The following FOXP1 variants were observed in gnomAD, a reference collection of about 807,000 sequenced individuals.
FOXP1 encodes the protein forkhead box protein P1.
Under a neutral mutation model 98.2 loss-of-function variants are expected in FOXP1, and 15 were observed. The observed-to-expected ratio is 0.15, with a 90% CI of 0.10 to 0.24. FOXP1 has a LOEUF of 0.24. FOXP1 is among the 10% of genes least tolerant of loss of function. FOXP1 has a pLI of 1.00. For synonymous variants in FOXP1, 371 were observed against 314.5 expected (o/e 1.18, Z -1.90); for missense variants, 633 against 848.5 (o/e 0.75, Z 3.15).
At chr3:71,309,039 T>G (rs1249147560) in intron 4 of FOXP1, among the ~76,000 whole-genome samples, 1 of 152,170 alleles carries the variant, frequency 6.6e-6, no homozygotes, top group East Asian at 1.9e-4. Flanking sequence ...CTCAACTTAC[T>G]ACCAAGTTAC....
intron 7 of FOXP1, among the ~76,000 whole-genome samples, chr3:71,065,412 G>T (rs573618541): frequency 6.6e-6 from 1 of 152,330 alleles, no homozygotes; most frequent in East Asian, 1.9e-4. Flanking sequence ...TCGGCTTCGG[G>T]AGGGTACGCA....
At chr3:71,316,942 C>T (rs528566682) in intron 4 of FOXP1, among the ~76,000 whole-genome samples, 34 of 152,272 alleles carry the variant, frequency 2.2e-4, no homozygotes, top group Admixed American at 2.2e-3. Flanking sequence ...AAGCATGAGC[C>T]ACTGCGCCTG....
At chr3:71,483,031 G>C (rs919674885) in intron 3 of FOXP1, among the ~76,000 whole-genome samples, 2 of 151,350 alleles carry the variant, frequency 1.3e-5, no homozygotes, top group Non-Finnish European at 2.9e-5. Flanking sequence ...GTAGAGATGG[G>C]GTCTCACTAT....
intron 2 of FOXP1, among the ~76,000 whole-genome samples, chr3:71,529,839 A>G (rs369834361): frequency 6.6e-6 from 1 of 152,184 alleles, no homozygotes; most frequent in African/African-American, 2.4e-5. Context: ...TTGATGTAAT[A>G]CCACAATACT....
At chr3:71,184,475 A>G (rs2062525476) in intron 6 of FOXP1, among the ~76,000 whole-genome samples, 1 of 152,206 alleles carries the variant, frequency 6.6e-6, no homozygotes, top group African/African-American at 2.4e-5. Context: ...TTACATTTCA[A>G]TAGACATGAA....
rs879815415 is a variant in FOXP1, at chr3:71,348,520, T to TGC, written c.-73+10628_-73+10629dup. On this transcript the variant is annotated intron_variant, in intron 4 of 20. Transcript: ENST00000649528. ...TTGCTGTGTTCAGTGTGTGTGTGTGTGCGTGTGTGTGTGTGTGTGTGTGTG... is the reference window on the plus strand; with the variant it reads ...TTGCTGTGTTCAGTGTGTGTGTGTGTGCGCGTGTGTGTGTGTGTGTGTGTGTG... Among the ~76,000 whole-genome samples the TGC allele has an allele frequency of 7.0e-5, 3 of 42,600 alleles. No homozygotes were observed. In the South Asian group the frequency reaches 3.5e-3, roughly 49 times the overall value. The allele number at this position is 42,600 out of a possible 152,430, so 27.9% of individuals were successfully genotyped here.
chr3:71,560,247 C>T (rs114537934), intron 2 of FOXP1, among the ~76,000 whole-genome samples: 2,583 of 152,232 alleles, frequency 0.017, 100 homozygotes, highest in African/African-American at 0.059. Flanking sequence ...AATGTGACTA[C>T]GATTGACTCT....
chr3:71,020,122 AATTTAAATTTCTCTTG>A (rs2045211742), intron 11 of FOXP1, among the ~76,000 whole-genome samples: 1 of 152,190 alleles, frequency 6.6e-6, no homozygotes, highest in Non-Finnish European at 1.5e-5. Flanking sequence ...AAAGCCAGTT[AATTTAAATTTCTCTTG>A]ATAATCCTTG....
intron 3 of FOXP1, among the ~76,000 whole-genome samples, chr3:71,401,830 C>T (rs988422950): frequency 6.6e-6 from 1 of 152,220 alleles, no homozygotes. Flanking sequence ...ATGGACACAA[C>T]ACAAATTTGA....
At chr3:71,580,743 A>C in intron 2 of FOXP1, 2 of 976,426 alleles carry the variant, frequency 2.0e-6, no homozygotes, top group Non-Finnish European at 2.4e-6. Context: ...GTAGCAGAAA[A>C]ATTCCTTTAA....
At chr3:71,257,641 G>A (rs1206991320) in intron 5 of FOXP1, among the ~76,000 whole-genome samples, 2 of 151,192 alleles carry the variant, frequency 1.3e-5, no homozygotes, top group Non-Finnish European at 2.9e-5. Flanking sequence ...CTAAAAGGAG[G>A]AAATTTCCAG....
rs557785236 is a variant in FOXP1, at chr3:71,047,658, G to A, written c.511-563C>T. On this transcript the variant is annotated intron_variant, in intron 9 of 20. Coordinates refer to ENST00000649528, the MANE Select transcript of FOXP1 (RefSeq NM_001349338.3). Reference sequence around the variant, plus strand: ...ACATTGTAAATCTTTCACAGAAACAGCCACTAGATTTTAATTACACACATT... The same window carrying A: ...ACATTGTAAATCTTTCACAGAAACAACCACTAGATTTTAATTACACACATT... Among the ~76,000 whole-genome samples the A allele has an allele frequency of 6.6e-5, 10 of 152,144 alleles. 1 individual carries two copies. The highest frequency in any genetic ancestry group is 1.0e-4 in the Non-Finnish European group (7 of 68,036).
At chr3:71,495,413 C>A (rs1049699638) in intron 2 of FOXP1, among the ~76,000 whole-genome samples, 1 of 152,170 alleles carries the variant, frequency 6.6e-6, no homozygotes, top group Non-Finnish European at 1.5e-5. Flanking sequence ...AGAACTATTT[C>A]TTTTCATCGC....
chr3:71,276,948 A>G (rs968993128), intron 5 of FOXP1, among the ~76,000 whole-genome samples: 11 of 148,842 alleles, frequency 7.4e-5, no homozygotes, highest in Middle Eastern at 3.4e-3. Flanking sequence ...CTTTTTAAGT[A>G]GATCAACTTT....
chr3:71,212,510 C>T (rs2064560412), intron 5 of FOXP1, among the ~76,000 whole-genome samples: 1 of 152,184 alleles, frequency 6.6e-6, no homozygotes, highest in East Asian at 1.9e-4. Context: ...TTGTAGAAGA[C>T]ACCCTAAAAA....
At chr3:71,145,754 G>A (rs986681696) in intron 6 of FOXP1, among the ~76,000 whole-genome samples, 1 of 152,010 alleles carries the variant, frequency 6.6e-6, no homozygotes, top group Non-Finnish European at 1.5e-5. Context: ...ATTTTAAGTT[G>A]CATTTCCCTA....
At chr3:71,542,464 T>C (rs1293511093) in intron 2 of FOXP1, among the ~76,000 whole-genome samples, 1 of 152,170 alleles carries the variant, frequency 6.6e-6, no homozygotes, top group Non-Finnish European at 1.5e-5. Context: ...TTGATGCAAT[T>C]AGTGTAAAAT....
chr3:71,095,266 G>A (rs746167877), intron 7 of FOXP1, among the ~76,000 whole-genome samples: 17 of 152,168 alleles, frequency 1.1e-4, no homozygotes, highest in Non-Finnish European at 2.2e-4. Flanking sequence ...ATATTAGACT[G>A]CCTACTGCCA....
At chr3:71,217,999 G>A (rs553034424) in intron 5 of FOXP1, among the ~76,000 whole-genome samples, 4 of 152,230 alleles carry the variant, frequency 2.6e-5, no homozygotes, top group African/African-American at 9.6e-5. Context: ...CCCCTCCCCT[G>A]GCTCCACCTC....
Sources: allele counts gnomAD v4.1 joint callset (sites outside exome capture counted in the v4.1 genomes callset), GRCh38; gene constraint gnomAD v4.1.1; transcripts MANE v1.5; gene names NCBI Gene and HGNC (gene_info 2026-07-23, HGNC 2026-07-21).